DNAAF11: variants seen among roughly 807,000 people sequenced by gnomAD.
DNAAF11 encodes the protein leucine rich repeat containing 6.
In DNAAF11, 45 loss-of-function variants were observed where a neutral mutation model predicts 60.8. The ratio of observed to expected loss-of-function variants is 0.74; its 90% CI spans 0.58 to 0.95. DNAAF11 has a LOEUF of 0.95. Ranked by LOEUF, DNAAF11 falls within the 40% of genes least tolerant of loss-of-function variation. DNAAF11 has a pLI of 0.00. For missense variants in DNAAF11, 546 were observed against 546.2 expected (o/e 1.00, Z 0.00); for synonymous variants, 191 against 183.5 (o/e 1.04, Z -0.33).
chr8:132,682,318 C>A, the DNAAF11 span, among the ~76,000 whole-genome samples: 1 of 152,162 alleles, frequency 6.6e-6, no homozygotes, highest in Non-Finnish European at 1.5e-5. Context: ...TGTAGATGCC[C>A]CCTCCAACCC....
chr8:132,623,401 A>G (rs1345473399), intron 6 of DNAAF11, among the ~76,000 whole-genome samples: 1 of 152,122 alleles, frequency 6.6e-6, no homozygotes, highest in Non-Finnish European at 1.5e-5. Flanking sequence ...ATTTGCAGAG[A>G]TAAGTTATAC....
upstream of DNAAF11, among the ~76,000 whole-genome samples, chr8:132,678,303 T>C (rs1825818148): frequency 6.6e-6 from 1 of 152,206 alleles, no homozygotes; most frequent in African/African-American, 2.4e-5. Flanking sequence ...AACAATGCTG[T>C]ACACTGGACA....
At chr8:132,680,566 T>G (rs967504915), upstream of DNAAF11, among the ~76,000 whole-genome samples, 1 of 152,178 alleles carries the variant, frequency 6.6e-6, no homozygotes, top group African/African-American at 2.4e-5. Context: ...TACTTTGCAT[T>G]TATTTTTCTT....
At chr8:132,676,186 T>C (rs1825753744), upstream of DNAAF11, among the ~76,000 whole-genome samples, 1 of 152,096 alleles carries the variant, frequency 6.6e-6, no homozygotes, top group Non-Finnish European at 1.5e-5. Flanking sequence ...AATTTCCCTA[T>C]TCTCCACTCT....
chr8:132,670,849 A>G (rs1327885317), intron 1 of DNAAF11, among the ~76,000 whole-genome samples: 1 of 152,224 alleles, frequency 6.6e-6, no homozygotes, highest in African/African-American at 2.4e-5. Context: ...AAACTAACAA[A>G]GTGATAATGT....
intron 3 of DNAAF11, chr8:132,643,769 G>A (rs1237481228): frequency 2.0e-5 from 9 of 454,272 alleles, no homozygotes; most frequent in East Asian, 6.9e-5. Context: ...GAGTGCATTC[G>A]TTAGACACTT....
chr8:132,679,639 G>A (rs1563732377), upstream of DNAAF11, among the ~76,000 whole-genome samples: 1 of 152,210 alleles, frequency 6.6e-6, no homozygotes, highest in Non-Finnish European at 1.5e-5. Context: ...ATTCCCACGT[G>A]TTGTGGGAGG....
At chr8:132,646,430 A>G (rs1019893937) in intron 3 of DNAAF11, among the ~76,000 whole-genome samples, 4 of 152,242 alleles carry the variant, frequency 2.6e-5, no homozygotes, top group Non-Finnish European at 5.9e-5. Context: ...TACGTCAACT[A>G]ACAAGCAAAA....
At chr8:132,637,655 T>C (rs1821434240) in intron 4 of DNAAF11, among the ~76,000 whole-genome samples, 1 of 152,168 alleles carries the variant, frequency 6.6e-6, no homozygotes, top group Non-Finnish European at 1.5e-5. Flanking sequence ...ATGATGAATG[T>C]TCTTCGTAAC....
At position 132,611,344 on chromosome 8, in the gene DNAAF11, T is replaced by C. The variant is rs1468402735; in HGVS notation, c.994A>G (p.Ile332Val). ...TAAGTTGGTTGCACATCAACATCGA[T>C]TAAAGAGGTATCCATATACCTTCAA... Reference protein sequence around the residue: ...AVYRYMDTSLIDVDVQPTYVR... With the variant: ...AVYRYMDTSLVDVDVQPTYVR... The change falls in exon 9 of 12, where the codon ATC becomes GTC. Residue 332 changes from isoleucine to valine, a missense_variant. Ile to Val is a conservative substitution (Grantham distance 29). Transcript: ENST00000620350. 6.2e-7 allele frequency: 1 copy of C among 1,608,880 alleles called. No homozygotes were observed.
intron 5 of DNAAF11, among the ~76,000 whole-genome samples, chr8:132,626,045 C>CTTCTTTTTT (rs1820241458): frequency 1.4e-5 from 2 of 147,522 alleles, no homozygotes; most frequent in African/African-American, 2.7e-5. Flanking sequence ...CCTATGGCAC[C>CTTCTTTTTT]TTCTTTTTTT....
chr8:132,673,567 T>TGA lies in DNAAF11; in HGVS notation c.10+1916_10+1917insTC, dbSNP rs1431766579. Among the ~76,000 whole-genome samples, 286 of 152,300 alleles carry TGA rather than the reference T, an allele frequency of 1.9e-3. 2 individuals are homozygous for TGA. Among genetic ancestry groups the TGA allele is most frequent in the African/African-American group, 6.5e-3 (272 of 41,580 alleles). Reference sequence around the variant, plus strand: ...CGGATCCCTGCCTACCTGTCAGGCCTTCCTTATCTCTTTGCTCTCCACTCC... The same window carrying TGA: ...CGGATCCCTGCCTACCTGTCAGGCCTGATCCTTATCTCTTTGCTCTCCACTCC... On this transcript the variant is annotated intron_variant, in intron 1 of 11. Coordinates refer to ENST00000620350, the MANE Select transcript of DNAAF11 (RefSeq NM_012472.6).
At chr8:132,611,204 T>C in intron 9 of DNAAF11, 90 bp downstream of exon 9, 1 of 968,710 alleles carries the variant, frequency 1.0e-6, no homozygotes, top group Non-Finnish European at 1.6e-6. Context: ...CCTTTTTCTA[T>C]TTTAATAATA....
rs919307801 is a variant in DNAAF11, at chr8:132,571,660, C to T, written c.*646G>A. Among the ~76,000 whole-genome samples the T allele has an allele frequency of 2.0e-5, 3 of 152,076 alleles. No homozygotes were observed. Among genetic ancestry groups the T allele is most frequent in the Admixed American group, 6.6e-5 (1 of 15,262 alleles). On this transcript the variant is annotated 3_prime_UTR_variant, in exon 12 of 12. Transcript: ENST00000620350. ...TGTATGGCTGACACTGTACTAAGTG[C>T]TTTCTGCAGTTTATCTTGAGACAAA...
chr8:132,642,290 G>A (rs1159929335), intron 3 of DNAAF11, among the ~76,000 whole-genome samples: 1 of 152,318 alleles, frequency 6.6e-6, no homozygotes, highest in South Asian at 2.1e-4. Context: ...GCTTATGAGA[G>A]AAATATCACA....
chr8:132,583,760 C>G lies in DNAAF11; in HGVS notation c.1160G>C (p.Gly387Ala). 1 of 1,613,338 alleles carries G rather than the reference C, an allele frequency of 6.2e-7. No homozygotes were observed. The highest frequency in any genetic ancestry group is 1.3e-5 in the African/African-American group (1 of 75,000). The part of the protein sequence containing the change: ...CMPKVGEVIT[G>A]GQRAFKSMKT... ...CATAGATTTGAATGCTCGCTGACCACCTGTGATTACTTCTCCTACCTAAAA... is the reference window on the plus strand; with the variant it reads ...CATAGATTTGAATGCTCGCTGACCAGCTGTGATTACTTCTCCTACCTAAAA... The change falls in exon 11 of 12, where the codon GGT becomes GCT. Residue 387 changes from glycine to alanine, a missense_variant. Transcript: ENST00000620350.
Position 132,632,739 on chromosome 8 carries a change from C to T in DNAAF11, c.653+1G>A, listed in dbSNP as rs1443904951. 3.8e-6 allele frequency: 6 copies of T among 1,598,352 alleles called. No individual in the cohort carries two copies. The highest frequency in any genetic ancestry group is 4.3e-6 in the Non-Finnish European group (5 of 1,166,330). ...AGAAAGTAAACTAATAATTTACATA[C>T]AGAGTAGCATTGATGTCTGTGTACC... On this transcript the variant is annotated splice_donor_variant, in intron 5 of 11. Coordinates refer to ENST00000620350, the MANE Select transcript of DNAAF11 (RefSeq NM_012472.6). LOFTEE classifies it high-confidence loss of function.
the DNAAF11 span, among the ~76,000 whole-genome samples, chr8:132,694,083 T>C: frequency 6.6e-6 from 1 of 152,184 alleles, no homozygotes; most frequent in Non-Finnish European, 1.5e-5. Flanking sequence ...AAGAGGCAAT[T>C]GCAGTAAATT....
intron 10 of DNAAF11, among the ~76,000 whole-genome samples, chr8:132,605,993 A>G (rs1376721125): frequency 6.6e-6 from 1 of 152,148 alleles, no homozygotes; most frequent in Non-Finnish European, 1.5e-5. Flanking sequence ...ACTCTGAATA[A>G]AATGGGAAGA....
Sources: gnomAD v4.1 joint callset for allele counts (sites outside exome capture counted in the v4.1 genomes callset) on GRCh38, gnomAD v4.1.1 for gene constraint, MANE v1.5 for transcripts, NCBI Gene and HGNC (gene_info 2026-07-23, HGNC 2026-07-21) for gene names.